The following AARS1 variants were observed in gnomAD, a reference collection of about 807,000 sequenced individuals.
The protein encoded by AARS1 is alanine--tRNA ligase, cytoplasmic.
A neutral mutation model predicts 108.9 loss-of-function variants in AARS1; 72 were observed. The ratio of observed to expected loss-of-function variants is 0.66; its 90% confidence interval spans 0.55 to 0.80. AARS1 has a LOEUF of 0.80. AARS1 is among the 30% of genes least tolerant of loss of function. The probability of loss-of-function intolerance (pLI) is 0.00; values close to 1 mark genes in which losing one functional copy is unlikely to be tolerated. For missense variants in AARS1, 1,193 were observed against 1,233.2 expected, an observed-to-expected ratio of 0.97 and a Z score of 0.49; for synonymous variants, 489 against 465.7, an observed-to-expected ratio of 1.05 and a Z score of -0.64.
chr16:70,272,924 A>ACACACACACACACACAC (rs1567608986), intron 4 of AARS1, among the ~76,000 whole-genome samples: 27 of 150,866 alleles, frequency 1.8e-4, no homozygotes, highest in African/African-American at 3.4e-4. Context: ...ACACACACAC[A>ACACACACACACACACAC]AAAGATTGTG....
chr16:70,262,617 CTCT>C, intron 11 of AARS1, 93 bp from the exon 12 acceptor site: 2 of 1,216,408 alleles, frequency 1.6e-6, no homozygotes, highest in South Asian at 1.5e-5. Context: ...CTTTCGCAAA[CTCT>C]TCTTAGCTCC....
Position 70,254,697 on chromosome 16 carries a change from G to A in AARS1, c.2324C>T (p.Ser775Phe), listed in dbSNP as rs372602483. The A allele has an allele frequency of 1.7e-5, 28 of 1,613,958 alleles. No homozygotes were observed. The highest frequency in any genetic ancestry group is 2.2e-5 in the Non-Finnish European group (26 of 1,179,958). Reference sequence around the variant, plus strand: ...AGCCTTCACTTTGGCTTCCATGACAGAGAGACATTTCTTCAAGCTCTCTGC... The same window carrying A: ...AGCCTTCACTTTGGCTTCCATGACAAAGAGACATTTCTTCAAGCTCTCTGC... ...RKAESLKKCL[S>F]VMEAKVKAQT... Residue 775 changes from serine (S) to phenylalanine (F), a missense_variant, in exon 17 of 21, where the codon TCT becomes TTT. Ser to Phe is a radical substitution (Grantham distance 155, BLOSUM62 -2). Transcript: ENST00000261772.
chr16:70,272,691 G>A lies in AARS1; in HGVS notation c.480-719C>T, dbSNP rs532081162. 4.6e-5 allele frequency among the ~76,000 whole-genome samples: 7 copies of A among 151,864 alleles called. No homozygotes were observed. The East Asian group carries it at 5.8e-4, about 13-fold the overall frequency. On this transcript the variant is annotated intron_variant, in intron 4 of 20. Coordinates refer to ENST00000261772, the MANE Select transcript of AARS1 (RefSeq NM_001605.3). ...ACATAATAATGAAAACGCTGGCCAC[G>A]CGCATTGCTTGAGCTCAGGAGTTCG...
intron 16 of AARS1, among the ~76,000 whole-genome samples, chr16:70,255,189 T>A (rs1484162904): frequency 6.9e-6 from 1 of 145,424 alleles, no homozygotes; most frequent in Non-Finnish European, 1.5e-5. Context: ...GATGGCCAGA[T>A]TCACATTTTT....
Position 70,265,587 on chromosome 16 carries a change from C to A in AARS1, c.1298G>T (p.Gly433Val), listed in dbSNP as rs963547000. ...AAAGCCATCCATGTCTACCACCAGGCCCTTCTCTTCAGCAATCAGTCCAGT... is the reference window on the plus strand; with the variant it reads ...AAAGCCATCCATGTCTACCACCAGGACCTTCTCTTCAGCAATCAGTCCAGT... ...DLTGLIAEEK[G>V]LVVDMDGFEE... Residue 433 changes from glycine to valine, a missense_variant, in exon 10 of 21, where the codon GGC (glycine) becomes GTC (valine). By Grantham distance (109) the Gly-to-Val change is moderately radical. Coordinates refer to ENST00000261772, the MANE Select transcript of AARS1 (RefSeq NM_001605.3). The A allele has an allele frequency of 1.9e-6, 3 of 1,613,934 alleles. No homozygotes were observed. Among genetic ancestry groups the A allele is most frequent in the Non-Finnish European group, 2.5e-6 (3 of 1,179,970 alleles).
Position 70,254,054 on chromosome 16 carries a change from G to A in AARS1, c.2401-16C>T, listed in dbSNP as rs372138128. The A allele has an allele frequency of 2.0e-5, 32 of 1,613,274 alleles. No homozygotes were observed. Among genetic ancestry groups the A allele is most frequent in the African/African-American group, 8.0e-5 (6 of 74,888 alleles). ...TGGCCAGGGCCTGGAACCAATAGAC[G>A]ACCATCTCAATCTGGGCCACAACTT... On this transcript the variant is annotated splice_polypyrimidine_tract_variant and intron_variant, in intron 17 of 20. Transcript: ENST00000261772.
chr16:70,269,526 T>A (rs1567607469), intron 7 of AARS1, 92 bp downstream of exon 7: 2 of 1,564,972 alleles, frequency 1.3e-6, no homozygotes, highest in African/African-American at 1.4e-5. Context: ...AGAGCAACAC[T>A]CAATCTCACA....
chr16:70,256,417 G>A (rs980608367), intron 15 of AARS1, among the ~76,000 whole-genome samples: 4 of 152,016 alleles, frequency 2.6e-5, no homozygotes, highest in Admixed American at 6.6e-5. Context: ...TGATTCTCTT[G>A]CCTCAGCCAC....
intron 7 of AARS1, among the ~76,000 whole-genome samples, chr16:70,269,322 G>GAAAAAAAAAAAAAAAAAA (rs56394253): frequency 1.9e-4 from 12 of 64,268 alleles, no homozygotes; most frequent in African/African-American, 7.9e-4. Context: ...TTCTGTCTCA[G>GAAAAAAAAAAAAAAAAAA]AAAAAAAAAA....
chr16:70,269,343 A>AC (rs1960340749), intron 7 of AARS1, among the ~76,000 whole-genome samples: 1 of 84,698 alleles, frequency 1.2e-5, no homozygotes, highest in Non-Finnish European at 2.5e-5. Flanking sequence ...AAAAAAAAAA[A>AC]AAAAAAAAAA....
chr16:70,269,681 T>A lies in AARS1; in HGVS notation c.899A>T (p.Asp300Val). The A allele has an allele frequency of 6.2e-7, 1 of 1,614,128 alleles. No individual in the cohort carries two copies. The highest frequency in any genetic ancestry group is 8.5e-7 in the Non-Finnish European group (1 of 1,180,016). ...TGCCACAGTGATGGTCCGAGCGTGG[T>A]CAGCCAGCACCCGGTAGGCCATGTC... ...GIDMAYRVLADHARTITVALA... is the reference protein window; with the variant it reads ...GIDMAYRVLAVHARTITVALA... The change falls in exon 7 of 21, where the codon GAC becomes GTC. Residue 300 changes from aspartate to valine, a missense_variant. Transcript: ENST00000261772.
chr16:70,285,770 T>TG (rs1027416957), intron 1 of AARS1, among the ~76,000 whole-genome samples: 1 of 152,052 alleles, frequency 6.6e-6, no homozygotes, highest in African/African-American at 2.4e-5. Context: ...TTGTTATAAA[T>TG]GGAGTATTGC....
At chr16:70,256,308 T>C (rs979927040) in intron 15 of AARS1, among the ~76,000 whole-genome samples, 1 of 152,082 alleles carries the variant, frequency 6.6e-6, no homozygotes, top group Non-Finnish European at 1.5e-5. Flanking sequence ...ATAGTTTTTT[T>C]TGTTTGTTTG....
chr16:70,255,858 C>T, intron 15 of AARS1, 22 bp from the exon 16 acceptor site: 1 of 1,605,680 alleles, frequency 6.2e-7, no homozygotes, highest in Non-Finnish European at 8.5e-7. Context: ...AACACAAAGT[C>T]CATAGTGAAA....
chr16:70,262,022 A>C (rs1248615222), intron 12 of AARS1, among the ~76,000 whole-genome samples: 4 of 152,152 alleles, frequency 2.6e-5, no homozygotes, highest in African/African-American at 9.7e-5. Flanking sequence ...TAGGGAGACA[A>C]AGTAACTCAT....
chr16:70,286,565 G>C (rs75655605), intron 1 of AARS1, among the ~76,000 whole-genome samples: 13,273 of 152,034 alleles, frequency 0.087, 1,903 homozygotes, highest in African/African-American at 0.3. Context: ...AGGCCGGGTA[G>C]GGTGGCTCAC....
Position 70,282,668 on chromosome 16 carries a change from G to A in AARS1, c.96C>T (p.Ile32=), listed in dbSNP as rs369590315. The A allele has an allele frequency of 9.3e-6, 15 of 1,614,214 alleles. No homozygotes were observed. Among genetic ancestry groups the A allele is most frequent in the Non-Finnish European group, 1.3e-5 (15 of 1,180,050 alleles). Residue 32 remains isoleucine (I), a synonymous_variant, in exon 2 of 21, where the codon ATC becomes ATT. Coordinates refer to ENST00000261772, the MANE Select transcript of AARS1 (RefSeq NM_001605.3). ...AGAGCAAAGTGGGGTCATCCAATGGGATGGTGGCAGACGAGTGAACATACG... is the reference window on the plus strand; with the variant it reads ...AGAGCAAAGTGGGGTCATCCAATGGAATGGTGGCAGACGAGTGAACATACG... The part of the protein sequence containing the change: ...EHTYVHSSAT[I]PLDDPTLLFA...
In AARS1 at chr16:70,270,187, C is replaced by T. The variant is rs749694980; in HGVS notation, c.816+9G>A. 2 of 1,613,970 alleles carry T rather than the reference C, an allele frequency of 1.2e-6. No homozygotes were observed. Among genetic ancestry groups the T allele is most frequent in the African/African-American group, 2.7e-5 (2 of 74,892 alleles). ...CAGAAGTTTACAATGTTTGCAATAG[C>T]ACCAGTACCTTCTGAATGGCTTCAA... On this transcript the variant is annotated intron_variant, in intron 6 of 20. Transcript: ENST00000261772.
rs1960568062 is a variant in AARS1 at position 70,277,014 on chromosome 16, G to A, written c.285C>T (p.His95=). The A allele has an allele frequency of 6.2e-7, 1 of 1,614,198 alleles. No individual in the cohort carries two copies. The highest frequency in any genetic ancestry group is 1.3e-5 in the African/African-American group (1 of 75,064). The part of the protein sequence containing the change: ...LDDVGKDVYH[H]TFFEMLGSWS... ...AAGAGCCCAGCATCTCGAAGAAGGTGTGATGATAGACATCCTTGCCCACAT... is the reference window on the plus strand; with the variant it reads ...AAGAGCCCAGCATCTCGAAGAAGGTATGATGATAGACATCCTTGCCCACAT... Residue 95 remains histidine (H), a synonymous_variant, in exon 3 of 21, where the codon CAC becomes CAT. Coordinates refer to ENST00000261772, the MANE Select transcript of AARS1 (RefSeq NM_001605.3).
Sources: gnomAD v4.1 joint callset for allele counts (sites outside exome capture counted in the v4.1 genomes callset) on GRCh38, gnomAD v4.1.1 for gene constraint, MANE v1.5 for transcripts, NCBI Gene and HGNC (gene_info 2026-07-23, HGNC 2026-07-21) for gene names.